C11orf54: variants seen among roughly 807,000 people sequenced by gnomAD.
C11orf54 encodes beta-keto L-gulonate decarboxylase.
A neutral mutation model predicts 35.5 loss-of-function variants in C11orf54; 29 were observed. The ratio of observed to expected loss-of-function variants is 0.82; its 90% CI spans 0.61 to 1.11. C11orf54 has a LOEUF of 1.11. Among genes scored for constraint, C11orf54 ranks in the 50% most tolerant of loss-of-function variants. The probability of loss-of-function intolerance (pLI) is 0.00; values close to 1 mark genes in which losing one functional copy is unlikely to be tolerated. For missense variants in C11orf54, 373 were observed against 369.2 expected (o/e 1.01, Z -0.08); for synonymous variants, 108 against 121.1 (o/e 0.89, Z 0.71).
chr11:93,750,415 C>G lies in C11orf54; in HGVS notation c.125C>G (p.Thr42Ser), dbSNP rs547581771. The change falls in exon 3 of 9, where the codon ACT (threonine) becomes AGT (serine). Residue 42 changes from threonine (T) to serine (S), a missense_variant. By Grantham distance (58) the Thr-to-Ser change is moderately conservative. Transcript: ENST00000354421. ...TCTGTAGTTGATTGCCCTGATTTGA[C>G]TAAGGAACCCTTTACCTTTCCTGTA... ...QVSVVDCPDLTKEPFTFPVKG... is the reference protein window; with the variant it reads ...QVSVVDCPDLSKEPFTFPVKG... The G allele has an allele frequency of 1.4e-5, 22 of 1,613,742 alleles. No individual in the cohort carries two copies. In the East Asian group the frequency reaches 4.2e-4, roughly 31 times the overall value.
chr11:93,747,979 A>G (rs1942574802), intron 2 of C11orf54, among the ~76,000 whole-genome samples: 1 of 152,350 alleles, frequency 6.6e-6, no homozygotes, highest in African/African-American at 2.4e-5. Flanking sequence ...AAACGAGTAC[A>G]AAAATGAAGC....
At chr11:93,755,533 T>A in intron 6 of C11orf54, 147 bp downstream of exon 6, 1 of 805,132 alleles carries the variant, frequency 1.2e-6, no homozygotes, top group Non-Finnish European at 1.9e-6. Context: ...TGAGGTCAAC[T>A]TGAGGTCAGG....
chr11:93,758,643 C>T (rs1421559616), intron 7 of C11orf54, among the ~76,000 whole-genome samples: 1 of 152,254 alleles, frequency 6.6e-6, no homozygotes, highest in Non-Finnish European at 1.5e-5. Context: ...TGTGCACACG[C>T]TCAGGGCACT....
intron 1 of C11orf54, chr11:93,742,966 T>C (rs1942207236): frequency 6.6e-6 from 1 of 152,218 alleles, no homozygotes; most frequent in African/African-American, 2.4e-5. Flanking sequence ...TGCAGAATCA[T>C]TGAAATTTCA....
intron 3 of C11orf54, among the ~76,000 whole-genome samples, chr11:93,751,820 C>CT (rs35146074): frequency 0.047 from 3,735 of 78,836 alleles, 95 homozygotes; most frequent in African/African-American, 0.081. Context: ...AATGGTTAAT[C>CT]TTTTTTTTTT....
At chr11:93,757,499 A>G in intron 7 of C11orf54, 34 bp downstream of exon 7, 1 of 1,571,328 alleles carries the variant, frequency 6.4e-7, no homozygotes, top group Non-Finnish European at 8.6e-7. Context: ...TGCATGAAGG[A>G]GTTTGTGTGT....
At chr11:93,759,921 T>C (rs1943367752) in intron 8 of C11orf54, 63 bp downstream of exon 8, 1 of 1,007,854 alleles carries the variant, frequency 9.9e-7, no homozygotes, top group Non-Finnish European at 1.5e-6. Flanking sequence ...TAGGATAATC[T>C]TTAAGAACTA....
chr11:93,758,950 C>T (rs1332102687), intron 7 of C11orf54, among the ~76,000 whole-genome samples: 1 of 152,236 alleles, frequency 6.6e-6, no homozygotes, highest in African/African-American at 2.4e-5. Flanking sequence ...TCCAGGCCCA[C>T]TGTGATCATC....
chr11:93,755,619 G>A (rs1202830111), intron 6 of C11orf54, among the ~76,000 whole-genome samples: 1 of 151,924 alleles, frequency 6.6e-6, no homozygotes, highest in South Asian at 2.1e-4. Flanking sequence ...GGGTGTGGTG[G>A]TGTGTGCCTG....
In C11orf54 at chr11:93,761,717, ATAAT is replaced by A; in HGVS notation, c.*33_*36del. On this transcript the variant is annotated 3_prime_UTR_variant, in exon 9 of 9. Transcript: ENST00000354421. ...AGCTGATACTTATTTAGAAAAAGAA[ATAAT>A]TAAGGTTAATTAATTGATTGACTTA... 5 of 1,543,882 alleles carry A rather than the reference ATAAT, an allele frequency of 3.2e-6. No homozygotes were observed. The highest frequency in any genetic ancestry group is 4.4e-6 in the Non-Finnish European group (5 of 1,140,936).
chr11:93,756,312 C>CAAA (rs35695203), intron 6 of C11orf54, among the ~76,000 whole-genome samples: 4 of 119,838 alleles, frequency 3.3e-5, no homozygotes, highest in East Asian at 4.8e-4. Flanking sequence ...AAGACCCTGT[C>CAAA]AAAAAAAAAA....
At chr11:93,742,210 TC>T (rs1257079663) in intron 1 of C11orf54, 2 of 152,470 alleles carry the variant, frequency 1.3e-5, no homozygotes, top group African/African-American at 4.8e-5. Flanking sequence ...CACCATTAGT[TC>T]CTTGACCGGT....
Position 93,755,344 on chromosome 11 carries a change from A to C in C11orf54, c.465A>C (p.Ala155=). ...YSEKCHDFQC[A]LLANLFASEG... The stretch of plus-strand genomic sequence containing the variant: ...AGAAATGTCATGATTTTCAGTGTGC[A>C]TTACTGGCTAATCTTTTTGCCAGTG... Residue 155 remains alanine, a synonymous_variant, in exon 6 of 9, where the codon GCA becomes GCC. Coordinates refer to ENST00000354421, the MANE Select transcript of C11orf54 (RefSeq NM_001286069.2). The C allele has an allele frequency of 6.2e-7, 1 of 1,614,232 alleles. No individual in the cohort carries two copies. Among genetic ancestry groups the C allele is most frequent in the Non-Finnish European group, 8.5e-7 (1 of 1,180,050 alleles).
chr11:93,761,398 T>G, intron 8 of C11orf54, 117 bp from the exon 9 acceptor site: 1 of 915,162 alleles, frequency 1.1e-6, no homozygotes. Flanking sequence ...ATTTAGAACA[T>G]GTGAATGTAT....
At chr11:93,745,481 A>T (rs1486224281) in intron 1 of C11orf54, among the ~76,000 whole-genome samples, 2 of 152,078 alleles carry the variant, frequency 1.3e-5, no homozygotes, top group African/African-American at 4.8e-5. Context: ...AATCCCTTAA[A>T]CCTTGATTCA....
At chr11:93,744,649 G>T (rs981246844) in intron 1 of C11orf54, among the ~76,000 whole-genome samples, 4 of 152,196 alleles carry the variant, frequency 2.6e-5, no homozygotes, top group Non-Finnish European at 5.9e-5. Context: ...AAAAGAAAAA[G>T]TTAAACTGTC....
chr11:93,751,144 C>A (rs1942794951), intron 3 of C11orf54, among the ~76,000 whole-genome samples: 2 of 152,122 alleles, frequency 1.3e-5, no homozygotes, highest in South Asian at 4.1e-4. Context: ...TCAAAGTGTT[C>A]TTTTTATTAT....
Position 93,743,504 on chromosome 11 carries a change from A to T in C11orf54, c.-98+1776A>T, listed in dbSNP as rs112402280. On this transcript the variant is annotated intron_variant, in intron 1 of 8. Coordinates refer to ENST00000354421, the MANE Select transcript of C11orf54 (RefSeq NM_001286069.2). ...GGCGGGAACTGGAGTGCTGGAAGCC[A>T]CGAACTCCAGTCACCCAGGCCTGCT... Among the ~76,000 whole-genome samples, 841 of 152,256 alleles carry T rather than the reference A, an allele frequency of 5.5e-3. 13 individuals are homozygous for T. The highest frequency in any genetic ancestry group is 0.019 in the African/African-American group (786 of 41,550).
In C11orf54 at chr11:93,761,788, G is replaced by A; in HGVS notation, c.*100G>A. 2 of 1,195,570 alleles carry A rather than the reference G, an allele frequency of 1.7e-6. No individual in the cohort carries two copies. Among genetic ancestry groups the A allele is most frequent in the Non-Finnish European group, 2.2e-6 (2 of 894,234 alleles). 74.1% of individuals were successfully genotyped at this position (1,195,570 alleles called of 1,614,324 possible). ...TAAAACCAATAGAAATGATCCCACA[G>A]GCCAGGCACAATGGCTCATGCCTAT... On this transcript the variant is annotated 3_prime_UTR_variant, in exon 9 of 9. Transcript: ENST00000354421.
Sources: allele counts gnomAD v4.1 joint callset (sites outside exome capture counted in the v4.1 genomes callset), GRCh38; gene constraint gnomAD v4.1.1; transcripts MANE v1.5; gene names NCBI Gene and HGNC (gene_info 2026-07-23, HGNC 2026-07-21).